Variants in SEMA6A observed in about 807,000 individuals in gnomAD.
SEMA6A encodes the protein semaphorin-6A.
In SEMA6A, 25 loss-of-function variants were observed where a neutral mutation model predicts 96.8. The observed-to-expected ratio is 0.26, with a 90% confidence interval of 0.19 to 0.36. The LOEUF (loss-of-function observed/expected upper bound fraction) is 0.36. Ranked by LOEUF, SEMA6A falls within the 10% of genes least tolerant of loss-of-function variation. The pLI, the probability that SEMA6A is intolerant of heterozygous loss-of-function variation, is 1.00. For missense variants in SEMA6A, 1,363 were observed against 1,323.1 expected (o/e 1.03, Z -0.47); for synonymous variants, 612 against 518.0 (o/e 1.18, Z -2.46).
At chr5:116,485,385 C>G (rs1230982703) in intron 10 of SEMA6A, among the ~76,000 whole-genome samples, 1 of 152,164 alleles carries the variant, frequency 6.6e-6, no homozygotes, top group Non-Finnish European at 1.5e-5. Flanking sequence ...TTTTCAAAAT[C>G]CTAGAGAGAT....
intron 1 of SEMA6A, among the ~76,000 whole-genome samples, chr5:116,512,050 C>A (rs1048688036): frequency 2.6e-5 from 4 of 152,216 alleles, no homozygotes; most frequent in Admixed American, 1.3e-4. Context: ...CATTCTTGCA[C>A]CAGAGGAAAA....
At chr5:116,565,496 G>A (rs17140135) in intron 1 of SEMA6A, among the ~76,000 whole-genome samples, 6,156 of 152,248 alleles carry the variant, frequency 0.04, 208 homozygotes, top group African/African-American at 0.089. Context: ...CACAGAATCC[G>A]TCTCGAAAAC....
chr5:116,491,826 T>A lies in SEMA6A; in HGVS notation c.449A>T (p.Asp150Val). ...FNPSCRNYKMDTLEPFGDEFS... is the reference protein window; with the variant it reads ...FNPSCRNYKMVTLEPFGDEFS... ...TTCATCCCCGAATGGTTCCAATGTATCCATCTAAATGAAATAATCAGACTT... is the reference window on the plus strand; with the variant it reads ...TTCATCCCCGAATGGTTCCAATGTAACCATCTAAATGAAATAATCAGACTT... Residue 150 changes from aspartate to valine, a missense_variant, in exon 7 of 19, where the codon GAT becomes GTT. Transcript: ENST00000343348. 11 of 1,610,020 alleles carry A rather than the reference T, an allele frequency of 6.8e-6. No individual in the cohort carries two copies. The highest frequency in any genetic ancestry group is 9.4e-6 in the Non-Finnish European group (11 of 1,176,412).
intron 2 of SEMA6A, 128 bp downstream of exon 2, chr5:116,504,717 C>T: frequency 3.0e-6 from 2 of 668,700 alleles, no homozygotes; most frequent in Middle Eastern, 2.5e-4. Flanking sequence ...GAATTAGCCA[C>T]CTTTGCCACA....
chr5:116,502,091 A>G, intron 3 of SEMA6A, 119 bp downstream of exon 3: 1 of 714,236 alleles, frequency 1.4e-6, no homozygotes, highest in Non-Finnish European at 2.4e-6. Context: ...AGGAGGCTTT[A>G]AGTTAAATAA....
intron 1 of SEMA6A, among the ~76,000 whole-genome samples, chr5:116,544,006 A>C (rs1760083341): frequency 6.6e-6 from 1 of 152,034 alleles, no homozygotes; most frequent in Non-Finnish European, 1.5e-5. Context: ...ACTAATACAG[A>C]TTAAATGCAC....
In SEMA6A at chr5:116,480,161, G is replaced by A; in HGVS notation, c.1211C>T (p.Ser404Phe). The change falls in exon 12 of 19, where the codon TCC becomes TTC. Residue 404 changes from serine (S) to phenylalanine (F), a missense_variant. Physicochemically the swap from Ser to Phe is radical, Grantham distance 155. This residue lies in a region of SEMA6A where 480 missense variants were observed against 559.5 expected (regional missense o/e 0.86). Coordinates refer to ENST00000343348, the MANE Select transcript of SEMA6A (RefSeq NM_020796.5). ...CAGGAACCATGGCCTGTTGAAGATG[G>A]AGGGCACTGCCTCATCCATGAGCGG... ...THPLMDEAVP[S>F]IFNRPWFLRT... 1 of 1,613,838 alleles carries A rather than the reference G, an allele frequency of 6.2e-7. No individual in the cohort carries two copies. Among genetic ancestry groups the A allele is most frequent in the Non-Finnish European group, 8.5e-7 (1 of 1,179,786 alleles).
intron 18 of SEMA6A, among the ~76,000 whole-genome samples, chr5:116,461,375 A>C (rs1755384752): frequency 6.6e-6 from 1 of 152,110 alleles, no homozygotes; most frequent in African/African-American, 2.4e-5. Flanking sequence ...GTCTCCTTGA[A>C]ACTGCCTTGC....
chr5:116,453,586 T>TA (rs1754787377), intron 18 of SEMA6A, among the ~76,000 whole-genome samples: 2 of 152,252 alleles, frequency 1.3e-5, no homozygotes, highest in South Asian at 2.1e-4. Context: ...CTTGAATGAT[T>TA]AAAAAAGAGG....
intron 5 of SEMA6A, 156 bp from the exon 6 acceptor site, chr5:116,495,670 G>A: frequency 1.7e-6 from 1 of 577,532 alleles, no homozygotes; most frequent in Admixed American, 3.2e-5. Context: ...TTAACCACAA[G>A]ATGATGCCGA....
chr5:116,472,227 G>A (rs1756188292), intron 17 of SEMA6A: 1 of 152,112 alleles, frequency 6.6e-6, no homozygotes, highest in East Asian at 1.9e-4. Context: ...TTCTGTTTAT[G>A]GGCTTAGTAG....
chr5:116,480,140 A>C lies in SEMA6A; in HGVS notation c.1232T>G (p.Phe411Cys). The C allele has an allele frequency of 6.2e-7, 1 of 1,613,778 alleles. No individual in the cohort carries two copies. The change falls in exon 12 of 19, where the codon TTC becomes TGC. Residue 411 changes from phenylalanine (F) to cysteine (C), a missense_variant. Transcript: ENST00000343348. ...AVPSIFNRPW[F>C]LRTMVRYRLT... ...CACCCACCTGACCATTGTTCTCAGGAACCATGGCCTGTTGAAGATGGAGGG... is the reference window on the plus strand; with the variant it reads ...CACCCACCTGACCATTGTTCTCAGGCACCATGGCCTGTTGAAGATGGAGGG...
intron 1 of SEMA6A, among the ~76,000 whole-genome samples, chr5:116,510,183 T>C (rs1230686474): frequency 6.6e-6 from 1 of 152,194 alleles, no homozygotes; most frequent in African/African-American, 2.4e-5. Flanking sequence ...CCAGTTCAAG[T>C]AGATAAGCAG....
chr5:116,474,181 A>C (rs751083731), intron 16 of SEMA6A, among the ~76,000 whole-genome samples: 1 of 151,874 alleles, frequency 6.6e-6, no homozygotes, highest in African/African-American at 2.4e-5. Context: ...CTACACCCCT[A>C]TTTTTCTACA....
At chr5:116,480,387 A>C (rs1756689718) in intron 11 of SEMA6A, 110 bp from the exon 12 acceptor site, 1 of 1,312,016 alleles carries the variant, frequency 7.6e-7, no homozygotes, top group Non-Finnish European at 1.1e-6. Flanking sequence ...AATGTACTGC[A>C]GCCTGAGAGG....
chr5:116,494,246 T>C (rs1037275164), intron 6 of SEMA6A, among the ~76,000 whole-genome samples: 2 of 152,254 alleles, frequency 1.3e-5, no homozygotes, highest in Non-Finnish European at 2.9e-5. Context: ...CATTTCTTAC[T>C]CCATGCCTTT....
chr5:116,557,931 C>G (rs890371240), intron 1 of SEMA6A, among the ~76,000 whole-genome samples: 1 of 152,128 alleles, frequency 6.6e-6, no homozygotes, highest in Non-Finnish European at 1.5e-5. Context: ...TAATGTGGCA[C>G]GTAATAGATA....
intron 1 of SEMA6A, among the ~76,000 whole-genome samples, chr5:116,530,884 T>C (rs915292692): frequency 1.1e-4 from 16 of 152,358 alleles, no homozygotes; most frequent in Admixed American, 1.3e-4. Context: ...GTGTTTACTG[T>C]ATGACAGACA....
chr5:116,565,849 A>G (rs1761003748), intron 1 of SEMA6A, among the ~76,000 whole-genome samples: 1 of 152,174 alleles, frequency 6.6e-6, no homozygotes, highest in Non-Finnish European at 1.5e-5. Flanking sequence ...TTTTCAGGAA[A>G]GGAACGTTTC....
Sources: gnomAD v4.1 joint callset for allele counts (sites outside exome capture counted in the v4.1 genomes callset) on GRCh38, gnomAD v4.1.1 for gene constraint, gnomAD v4.1.1 regional missense constraint, MANE v1.5 for transcripts, NCBI Gene and HGNC (gene_info 2026-07-23, HGNC 2026-07-21) for gene names.